The following GABRA2 variants were observed in gnomAD, a reference collection of about 807,000 sequenced individuals.
The protein encoded by GABRA2 is gamma-aminobutyric acid type A receptor subunit alpha2, also known as gamma-aminobutyric acid receptor subunit alpha-2.
A neutral mutation model predicts 48.7 loss-of-function variants in GABRA2; 16 were observed. The observed-to-expected ratio is 0.33, with a 90% CI of 0.22 to 0.50. GABRA2 has a LOEUF of 0.50. GABRA2 is among the 20% of genes least tolerant of loss of function. The pLI is 0.98. For synonymous variants in GABRA2, 185 were observed against 184.5 expected (o/e 1.00, Z -0.02); for missense variants, 275 against 535.6 (o/e 0.51, Z 4.80).
chr4:46,254,497 A>G lies in GABRA2; in HGVS notation c.1060-3893T>C, dbSNP rs562674216. ...TTCCTATTGCCTCATCTCATGCTGT[A>G]TTTCTACTTTAAGGCACCTAGATAG... On this transcript the variant is annotated intron_variant, in intron 9 of 9. Transcript: ENST00000381620. Among the ~76,000 whole-genome samples the G allele has an allele frequency of 4.6e-5, 7 of 151,530 alleles. No individual in the cohort carries two copies. In the South Asian group the frequency reaches 8.3e-4, roughly 18 times the overall value.
At position 46,250,371 on chromosome 4, in the gene GABRA2, G is replaced by T. The variant is rs765996870; in HGVS notation, c.1293C>A (p.Thr431=). ...ATGTAGCCCAGTAAACTAAATTAAA[G>T]GTACCAAACAAAACTGGAAAAACTA... ...SRIVFPVLFG[T]FNLVYWATYL... The change falls in exon 10 of 10, where the codon ACC becomes ACA. Residue 431 remains threonine (T), a synonymous_variant. Coordinates refer to ENST00000381620, the MANE Select transcript of GABRA2 (RefSeq NM_000807.4). 2 of 1,611,418 alleles carry T rather than the reference G, an allele frequency of 1.2e-6. No homozygotes were observed. Among genetic ancestry groups the T allele is most frequent in the Non-Finnish European group, 1.7e-6 (2 of 1,178,376 alleles).
intron 4 of GABRA2, among the ~76,000 whole-genome samples, chr4:46,327,870 T>C (rs1312456822): frequency 6.6e-6 from 1 of 152,056 alleles, no homozygotes; most frequent in Non-Finnish European, 1.5e-5. Context: ...AAGTTTTCAC[T>C]GTCCAAGCTC....
intron 3 of GABRA2, among the ~76,000 whole-genome samples, chr4:46,339,351 T>C (rs893382252): frequency 7.9e-5 from 12 of 151,868 alleles, no homozygotes; most frequent in Admixed American, 4.6e-4. Flanking sequence ...TTCTGTAAAA[T>C]AGTATTTGTC....
chr4:46,305,320 G>T (rs1216350663), intron 7 of GABRA2, among the ~76,000 whole-genome samples: 1 of 150,396 alleles, frequency 6.6e-6, no homozygotes, highest in Non-Finnish European at 1.5e-5. Flanking sequence ...ATTAAATGAC[G>T]AGTTGATGTG....
chr4:46,376,366 G>T (rs1370841796), intron 3 of GABRA2, among the ~76,000 whole-genome samples: 1 of 152,158 alleles, frequency 6.6e-6, no homozygotes, highest in Non-Finnish European at 1.5e-5. Context: ...TATCCACTGT[G>T]TATTAAGGGG....
intron 8 of GABRA2, among the ~76,000 whole-genome samples, chr4:46,300,301 G>C (rs896579304): frequency 1.3e-5 from 2 of 151,848 alleles, no homozygotes; most frequent in African/African-American, 4.8e-5. Flanking sequence ...GTATGGATCT[G>C]TGTGTGTGTG....
At chr4:46,371,093 A>G (rs1714814604) in intron 3 of GABRA2, among the ~76,000 whole-genome samples, 1 of 152,184 alleles carries the variant, frequency 6.6e-6, no homozygotes, top group South Asian at 2.1e-4. Context: ...TTTATACTCT[A>G]GTATACAGCT....
At position 46,369,130 on chromosome 4, in the gene GABRA2, TC is replaced by T. The variant is rs200823042; in HGVS notation, c.187+16943del. 2,024 of 607,548 alleles carry T rather than the reference TC, an allele frequency of 3.3e-3. 39 individuals are homozygous for T. The highest frequency in any genetic ancestry group is 0.033 in the African/African-American group (1,815 of 54,640). 37.6% of individuals were successfully genotyped at this position (607,548 alleles called of 1,614,324 possible). A position where few individuals can be genotyped will look rare whatever the true frequency, so the allele number is the denominator to read the frequency against. On this transcript the variant is annotated intron_variant, in intron 3 of 9. Transcript: ENST00000381620. ...GGCTAGGTTAATATACTCAAACGTTTCCTTGGGGCAGCACAGTACTTCCTGG... is the reference window on the plus strand; with the variant it reads ...GGCTAGGTTAATATACTCAAACGTTTCTTGGGGCAGCACAGTACTTCCTGG...
intron 8 of GABRA2, among the ~76,000 whole-genome samples, chr4:46,301,493 T>A (rs1463586180): frequency 1.3e-5 from 2 of 152,196 alleles, no homozygotes. Context: ...GGCCTCAAAC[T>A]ATTTTCTATC....
chr4:46,280,222 G>A (rs373797920), intron 8 of GABRA2, among the ~76,000 whole-genome samples: 21 of 152,242 alleles, frequency 1.4e-4, no homozygotes, highest in African/African-American at 5.1e-4. Flanking sequence ...TCGTGAGACA[G>A]TTTGCAATTT....
Position 46,249,671 on chromosome 4 carries a change from T to A in GABRA2, c.*637A>T, listed in dbSNP as rs1714339425. On this transcript the variant is annotated 3_prime_UTR_variant, in exon 10 of 10. Coordinates refer to ENST00000381620, the MANE Select transcript of GABRA2 (RefSeq NM_000807.4). Reference sequence around the variant, plus strand: ...GTAATGACCATGACATTCCAATAGTTATTACATCGTAGGCATAATTAACAT... The same window carrying A: ...GTAATGACCATGACATTCCAATAGTAATTACATCGTAGGCATAATTAACAT... 1 of 151,538 alleles carries A rather than the reference T, an allele frequency of 6.6e-6. No individual in the cohort carries two copies. The highest frequency in any genetic ancestry group is 1.5e-5 in the Non-Finnish European group (1 of 67,700). The allele number at this position is 151,538 out of a possible 1,614,324, so 9.4% of individuals were successfully genotyped here.
rs1037302248 is a variant in GABRA2 at position 46,245,945 on chromosome 4, G to T, written c.*4363C>A. Among the ~76,000 whole-genome samples, 4 of 150,840 alleles carry T rather than the reference G, an allele frequency of 2.7e-5. No homozygotes were observed. Among genetic ancestry groups the T allele is most frequent in the African/African-American group, 9.7e-5 (4 of 41,226 alleles). On this transcript the variant is annotated 3_prime_UTR_variant, in exon 10 of 10. Coordinates refer to ENST00000381620, the MANE Select transcript of GABRA2 (RefSeq NM_000807.4). ...ATAGAATATTTCAACTTAACAAGAT[G>T]GAAGACACAGTGGTCTAGATATGTT...
At chr4:46,375,068 TAA>T (rs1277975634) in intron 3 of GABRA2, among the ~76,000 whole-genome samples, 4 of 152,066 alleles carry the variant, frequency 2.6e-5, no homozygotes, top group Non-Finnish European at 5.9e-5. Flanking sequence ...TGTATCAAAT[TAA>T]GATTGCACCT....
At chr4:46,278,458 A>AT (rs1311353492) in intron 8 of GABRA2, among the ~76,000 whole-genome samples, 1 of 152,148 alleles carries the variant, frequency 6.6e-6, no homozygotes, top group African/African-American at 2.4e-5. Flanking sequence ...TCCTGGTGCA[A>AT]TATTCTTTCA....
At chr4:46,269,214 T>C (rs1055213635) in intron 8 of GABRA2, among the ~76,000 whole-genome samples, 1 of 151,890 alleles carries the variant, frequency 6.6e-6, no homozygotes, top group Non-Finnish European at 1.5e-5. Context: ...TTACAAAATG[T>C]TAAATATTAG....
At chr4:46,295,971 A>C (rs1458246989) in intron 8 of GABRA2, among the ~76,000 whole-genome samples, 2 of 152,194 alleles carry the variant, frequency 1.3e-5, no homozygotes, top group Non-Finnish European at 2.9e-5. Flanking sequence ...TAAGTGAGAC[A>C]GTGGGTTCAT....
At chr4:46,303,260 A>G (rs1188960573) in intron 8 of GABRA2, 200 bp downstream of exon 8, 1 of 538,222 alleles carries the variant, frequency 1.9e-6, no homozygotes, top group Non-Finnish European at 3.3e-6. Context: ...ATATTTGAGT[A>G]CTTTTCTTTC....
intron 8 of GABRA2, chr4:46,303,188 G>T (rs930663221): frequency 2.6e-6 from 1 of 388,004 alleles, no homozygotes; most frequent in Non-Finnish European, 4.6e-6. Flanking sequence ...TGTAAATATA[G>T]TACAGACAAA....
intron 3 of GABRA2, among the ~76,000 whole-genome samples, chr4:46,372,272 C>A (rs1245546671): frequency 1.3e-5 from 2 of 152,044 alleles, no homozygotes; most frequent in African/African-American, 2.4e-5. Flanking sequence ...ACTAATTTCC[C>A]CAGATGTCTT....
Sources: allele counts gnomAD v4.1 joint callset (sites outside exome capture counted in the v4.1 genomes callset), GRCh38; gene constraint gnomAD v4.1.1; transcripts MANE v1.5; gene names NCBI Gene and HGNC (gene_info 2026-07-23, HGNC 2026-07-21).